Variants in TMF1 observed in about 807,000 individuals in gnomAD.
TMF1 encodes the protein TATA element modulatory factor.
TMF1 carries 71 observed loss-of-function variants against 126.5 expected under a neutral mutation model. That is an observed-to-expected ratio of 0.56 (90% CI 0.46 to 0.68). The LOEUF (loss-of-function observed/expected upper bound fraction) is 0.68. TMF1 is among the 30% of genes least tolerant of loss of function. The probability of loss-of-function intolerance (pLI) is 0.00; values close to 1 mark genes in which losing one functional copy is unlikely to be tolerated. For synonymous variants in TMF1, 461 were observed against 430.5 expected (o/e 1.07, Z -0.88); for missense variants, 1,259 against 1,253.2 (o/e 1.00, Z -0.07).
At chr3:69,035,998 T>C (rs1430772314) in intron 8 of TMF1, among the ~76,000 whole-genome samples, 1 of 152,124 alleles carries the variant, frequency 6.6e-6, no homozygotes, top group Non-Finnish European at 1.5e-5. Flanking sequence ...AAATTACTGA[T>C]ATTTTATCTA....
chr3:69,023,187 CTT>C lies in TMF1; in HGVS notation c.3270_3271del (p.Leu1092GlnfsTer7), dbSNP rs1310384583. On this transcript the variant is annotated frameshift_variant, in exon 17 of 17. Coordinates refer to ENST00000398559, the MANE Select transcript of TMF1 (RefSeq NM_007114.3). LOFTEE classifies it high-confidence loss of function. ...TTCAATTTTCACAAGTTAACTGAGA[CTT>C]TGTCTTAAAAGTTCATCTATTTGAG... The C allele has an allele frequency of 6.2e-7, 1 of 1,609,872 alleles. No individual in the cohort carries two copies. The highest frequency in any genetic ancestry group is 8.5e-7 in the Non-Finnish European group (1 of 1,177,542).
At chr3:69,038,157 T>C (rs537462150) in intron 8 of TMF1, among the ~76,000 whole-genome samples, 4 of 152,358 alleles carry the variant, frequency 2.6e-5, no homozygotes, top group African/African-American at 7.2e-5. Flanking sequence ...GCCCATCAAC[T>C]GATGATTTGA....
chr3:69,026,275 T>TC (rs1209770419), intron 13 of TMF1, among the ~76,000 whole-genome samples, 178 bp from the exon 14 acceptor site: 2 of 152,152 alleles, frequency 1.3e-5, no homozygotes, highest in African/African-American at 4.8e-5. Flanking sequence ...CATTCTAATT[T>TC]CCCCATAAAA....
rs1309301028 is a variant in TMF1 at position 69,044,605 on chromosome 3, G to A, written c.1348-10C>T. 3.2e-6 allele frequency: 5 copies of A among 1,571,262 alleles called. No homozygotes were observed. The highest frequency in any genetic ancestry group is 4.3e-6 in the Non-Finnish European group (5 of 1,152,094). ...TCAGAAATTCAACTGTCTGGATAAG[G>A]CGAATACATAAAAGTCAGAACGCTT... is the stretch of plus-strand genomic sequence containing the variant. On this transcript the variant is annotated splice_polypyrimidine_tract_variant and intron_variant, in intron 2 of 16. Transcript: ENST00000398559.
intron 1 of TMF1, 138 bp downstream of exon 1, chr3:69,051,807 T>G: frequency 9.7e-7 from 1 of 1,034,624 alleles, no homozygotes; most frequent in Non-Finnish European, 1.4e-6. Context: ...GAAGCAGCAT[T>G]AGGGAACGGG....
Position 69,024,102 on chromosome 3 carries a change from G to T in TMF1, c.3091C>A (p.Leu1031Ile), listed in dbSNP as rs1484033538. 6.2e-7 allele frequency: 1 copy of T among 1,609,682 alleles called. No individual in the cohort carries two copies. Among genetic ancestry groups the T allele is most frequent in the East Asian group, 2.2e-5 (1 of 44,588 alleles). Residue 1031 changes from leucine to isoleucine, a missense_variant, in exon 16 of 17, where the codon CTT (leucine) becomes ATT (isoleucine). Physicochemically the swap from Leu to Ile is conservative, Grantham distance 5 (BLOSUM62 2). Coordinates refer to ENST00000398559, the MANE Select transcript of TMF1 (RefSeq NM_007114.3). ...LVKLTNQNDE[L>I]EEKVKEIPKL... ...GGTATCTCCTTCACCTTCTCTTCAAGTTCATCATTTTGATTTGTTAATTTA... is the reference window on the plus strand; with the variant it reads ...GGTATCTCCTTCACCTTCTCTTCAATTTCATCATTTTGATTTGTTAATTTA...
chr3:69,031,839 C>T (rs1386046008), intron 10 of TMF1, among the ~76,000 whole-genome samples: 4 of 152,146 alleles, frequency 2.6e-5, no homozygotes, highest in African/African-American at 9.7e-5. Context: ...CACAATACCA[C>T]ATATTGCTGA....
rs571915884 is a variant in TMF1 at position 69,028,648 on chromosome 3, T to G, written c.2595-353A>C. Among the ~76,000 whole-genome samples the G allele has an allele frequency of 2.0e-5, 3 of 152,356 alleles. No homozygotes were observed. The South Asian group carries it at 6.2e-4, about 32-fold the overall frequency. On this transcript the variant is annotated intron_variant, in intron 11 of 16. Transcript: ENST00000398559. ...GTTCTATGAAAATGTTTCTAAAAGT[T>G]CAGATATTTTACTTTAGAAATCATT... is the stretch of plus-strand genomic sequence containing the variant.
At chr3:69,051,545 C>T (rs933894637) in intron 1 of TMF1, among the ~76,000 whole-genome samples, 6 of 152,176 alleles carry the variant, frequency 3.9e-5, no homozygotes, top group Non-Finnish European at 7.3e-5. Flanking sequence ...GATTGTTCTT[C>T]CCTTCCCTGA....
chr3:69,050,950 G>A (rs1249688856), intron 1 of TMF1, among the ~76,000 whole-genome samples: 1 of 152,166 alleles, frequency 6.6e-6, no homozygotes, highest in Non-Finnish European at 1.5e-5. Context: ...GAAGATCCCT[G>A]AAAGATTAAG....
At chr3:69,042,569 T>C in intron 5 of TMF1, 1 of 612,000 alleles carries the variant, frequency 1.6e-6, no homozygotes, top group Non-Finnish European at 3.0e-6. Flanking sequence ...AATTTCTGTC[T>C]ATTTTACAGG....
rs1459671803 is a variant in TMF1 at position 69,033,253 on chromosome 3, GAA to G, written c.2401+293_2401+294del. Among the ~76,000 whole-genome samples the G allele has an allele frequency of 1.8e-3, 217 of 121,466 alleles. 1 individual carries two copies. The highest frequency in any genetic ancestry group is 6.6e-3 in the African/African-American group (207 of 31,464). 79.7% of individuals were successfully genotyped at this position (121,466 alleles called of 152,430 possible). On this transcript the variant is annotated intron_variant, in intron 10 of 16. Coordinates refer to ENST00000398559, the MANE Select transcript of TMF1 (RefSeq NM_007114.3). ...CGCGCCACTGCACTCCAGCCTCAGT[GAA>G]AGAGTGAGACTCCATCTCAAAAAAA...
chr3:69,027,939 C>T lies in TMF1; in HGVS notation c.2718G>A (p.Arg906=). The T allele has an allele frequency of 6.3e-7, 1 of 1,588,926 alleles. No homozygotes were observed. Among genetic ancestry groups the T allele is most frequent in the South Asian group, 1.1e-5 (1 of 89,632 alleles). The change falls in exon 13 of 17, where the codon AGG becomes AGA. Residue 906 remains arginine, a synonymous_variant. Coordinates refer to ENST00000398559, the MANE Select transcript of TMF1 (RefSeq NM_007114.3). ...TTTCTTGAGTAAAAATGGCTTTCTT[C>T]CTTTCTTGTTCAACTTTCATTCTTT... The part of the protein sequence containing the change: ...EMERMKVEQE[R]KKAIFTQETI...
chr3:69,034,803 T>A (rs1317871161), intron 9 of TMF1, among the ~76,000 whole-genome samples: 1 of 152,190 alleles, frequency 6.6e-6, no homozygotes, highest in African/African-American at 2.4e-5. Context: ...ATAACAAATC[T>A]ATCATAACAT....
intron 5 of TMF1, among the ~76,000 whole-genome samples, chr3:69,041,371 A>G (rs1360375574): frequency 6.6e-6 from 1 of 152,210 alleles, no homozygotes; most frequent in East Asian, 1.9e-4. Flanking sequence ...TGTATCAAAC[A>G]TAGTATCTGA....
At chr3:69,024,823 T>C (rs2091758967) in intron 15 of TMF1, 1 of 145,694 alleles carries the variant, frequency 6.9e-6, no homozygotes, top group East Asian at 1.9e-4. Flanking sequence ...TTTTTTTTTT[T>C]CAGATTATGG....
intron 1 of TMF1, 59 bp downstream of exon 1, chr3:69,051,886 C>T: frequency 6.3e-7 from 1 of 1,585,954 alleles, no homozygotes; most frequent in South Asian, 1.1e-5. Context: ...ACTTAACCTG[C>T]CTGCATCAAG....
Position 69,048,243 on chromosome 3 carries a change from G to C in TMF1, c.462C>G (p.Asp154Glu). 1 of 1,614,196 alleles carries C rather than the reference G, an allele frequency of 6.2e-7. No individual in the cohort carries two copies. The highest frequency in any genetic ancestry group is 8.5e-7 in the Non-Finnish European group (1 of 1,180,024). The part of the protein sequence containing the change: ...TPETTESQVK[D>E]SSLCVSGETL... ...TTTCCCCTGAAACACACAAAGAAGA[G>C]TCTTTTACTTGTGATTCAGTTGTTT... Residue 154 changes from aspartate to glutamate, a missense_variant, in exon 2 of 17, where the codon GAC becomes GAG. By Grantham distance (45) the Asp-to-Glu change is conservative. Transcript: ENST00000398559.
chr3:69,037,932 C>T (rs992634789), intron 8 of TMF1, among the ~76,000 whole-genome samples: 3 of 152,108 alleles, frequency 2.0e-5, no homozygotes, highest in Non-Finnish European at 4.4e-5. Flanking sequence ...TGTGGAGAAA[C>T]TGAAACCCTC....
Sources: allele counts gnomAD v4.1 joint callset (sites outside exome capture counted in the v4.1 genomes callset), GRCh38; gene constraint gnomAD v4.1.1; transcripts MANE v1.5; gene names NCBI Gene and HGNC (gene_info 2026-07-23, HGNC 2026-07-21).